Variants in ANAPC2 observed in about 807,000 individuals in gnomAD.
ANAPC2 encodes anaphase promoting complex subunit 2, also known as anaphase-promoting complex subunit 2.
In ANAPC2, 29 loss-of-function variants were observed where a neutral mutation model predicts 84.3. That is an observed-to-expected ratio of 0.34 (90% CI 0.26 to 0.47). The LOEUF is 0.47. Among genes scored for constraint, ANAPC2 ranks in the 20% least tolerant of loss-of-function variants. The pLI is 1.00. For missense variants in ANAPC2, 857 were observed against 1,131.7 expected, an observed-to-expected ratio of 0.76 and a Z score of 3.48; for synonymous variants, 571 against 479.4, an observed-to-expected ratio of 1.19 and a Z score of -2.50.
chr9:137,185,445 G>A (rs762680222), intron 3 of ANAPC2, among the ~76,000 whole-genome samples: 3 of 152,128 alleles, frequency 2.0e-5, no homozygotes, highest in Admixed American at 6.5e-5. Flanking sequence ...GAGACCAGCC[G>A]GGGGGCCCAG....
intron 12 of ANAPC2, 39 bp from the exon 13 acceptor site, chr9:137,175,193 C>A (rs755461909): frequency 8.1e-6 from 13 of 1,603,038 alleles, no homozygotes; most frequent in Non-Finnish European, 1.1e-5. Context: ...CACCTGCAGG[C>A]CTCGCCCCCG....
chr9:137,176,998 G>C (rs1834233997), intron 10 of ANAPC2: 2 of 152,266 alleles, frequency 1.3e-5, no homozygotes, highest in Admixed American at 1.3e-4. Context: ...CAAGGGTGTG[G>C]CTGGACCAGG....
rs1421290327 is a variant in ANAPC2 at position 137,183,092 on chromosome 9, C to T, written c.1286+33G>A. On this transcript the variant is annotated intron_variant, in intron 6 of 12. Transcript: ENST00000323927. Reference sequence around the variant, plus strand: ...AGGAGCTCAGCAGGATGCCCAGGGTCCCAGTGGCTCCTGGGCCAGCTGCAG... The same window carrying T: ...AGGAGCTCAGCAGGATGCCCAGGGTTCCAGTGGCTCCTGGGCCAGCTGCAG... The T allele has an allele frequency of 1.9e-6, 3 of 1,560,396 alleles. No homozygotes were observed. The South Asian group carries it at 3.3e-5, about 17-fold the overall frequency.
At position 137,187,699 on chromosome 9, in the gene ANAPC2, C is replaced by T. The variant is rs757350662; in HGVS notation, c.522G>A (p.Gln174=). Residue 174 remains glutamine (Q), a synonymous_variant, in exon 2 of 13, where the codon CAG becomes CAA. Transcript: ENST00000323927. ...STPRTFQEMI[Q]RLYGCFLRVY... is the part of the protein sequence containing the mutation. The stretch of plus-strand genomic sequence containing the variant: ...CTCTCAAGAAGCACCCATACAGACG[C>T]TGGATCATCTCTTGGAAGGTTCTGG... The T allele has an allele frequency of 6.2e-7, 1 of 1,614,040 alleles. No individual in the cohort carries two copies. The highest frequency in any genetic ancestry group is 8.5e-7 in the Non-Finnish European group (1 of 1,180,030).
At chr9:137,181,326 G>T (rs1332942014) in intron 7 of ANAPC2, among the ~76,000 whole-genome samples, 1 of 152,248 alleles carries the variant, frequency 6.6e-6, no homozygotes, top group Non-Finnish European at 1.5e-5. Context: ...GCAGGAGCTG[G>T]CACCCTAACG....
chr9:137,176,170 C>T, intron 10 of ANAPC2: 1 of 174,820 alleles, frequency 5.7e-6, no homozygotes, highest in Non-Finnish European at 1.1e-5. Context: ...TGGGGTCCTT[C>T]TAAGAAAAGG....
intron 4 of ANAPC2, 66 bp downstream of exon 4, chr9:137,184,847 C>T: frequency 1.3e-6 from 2 of 1,573,416 alleles, no homozygotes; most frequent in South Asian, 1.2e-5. Context: ...ACAGAGGAGA[C>T]ACGGGGAAGG....
intron 2 of ANAPC2, chr9:137,186,574 T>C (rs1834474895): frequency 1.6e-6 from 1 of 616,002 alleles, no homozygotes; most frequent in African/African-American, 1.8e-5. Flanking sequence ...CAGGCTCTGC[T>C]GTCCCCGCCC....
intron 4 of ANAPC2, 27 bp downstream of exon 4, chr9:137,184,886 C>T (rs756207958): frequency 8.7e-6 from 14 of 1,606,482 alleles, no homozygotes; most frequent in Middle Eastern, 3.3e-4. Flanking sequence ...GACGGGAGAG[C>T]GGACCCCAGG....
intron 4 of ANAPC2, among the ~76,000 whole-genome samples, chr9:137,184,368 G>C (rs1834411505): frequency 6.7e-6 from 1 of 150,300 alleles, no homozygotes; most frequent in African/African-American, 2.5e-5. Flanking sequence ...TGCAGACAAA[G>C]AGCAGACACG....
chr9:137,180,114 T>C, intron 10 of ANAPC2, 67 bp downstream of exon 10: 2 of 1,527,510 alleles, frequency 1.3e-6, no homozygotes, highest in East Asian at 2.4e-5. Context: ...GGCACCAGGC[T>C]GCTGGGAGCC....
At chr9:137,184,867 G>A (rs772582156) in intron 4 of ANAPC2, 46 bp downstream of exon 4, 2 of 1,596,722 alleles carry the variant, frequency 1.3e-6, no homozygotes, top group Non-Finnish European at 1.7e-6. Flanking sequence ...GCCCTGGGAA[G>A]ACTCCCCAGA....
intron 10 of ANAPC2, 191 bp from the exon 11 acceptor site, chr9:137,176,028 T>C (rs1834202502): frequency 6.4e-6 from 4 of 620,308 alleles, no homozygotes; most frequent in South Asian, 4.0e-5. Context: ...GGAAGGGCAA[T>C]GGGGCCAGCA....
chr9:137,188,221 C>A, intron 1 of ANAPC2, 118 bp from the exon 2 acceptor site: 1 of 1,406,466 alleles, frequency 7.1e-7, no homozygotes, highest in Non-Finnish European at 9.5e-7. Flanking sequence ...TCCGTGCTGC[C>A]CGGACGTTGG....
rs1212116641 is a variant in ANAPC2, at chr9:137,180,792, C to T, written c.1606G>A (p.Glu536Lys). Residue 536 changes from glutamate (E) to lysine (K), a missense_variant, in exon 8 of 13, where the codon GAG becomes AAG. By Grantham distance (56) the Glu-to-Lys change is moderately conservative. This residue lies in a region of ANAPC2 where 425 missense variants were observed against 595.5 expected (regional missense o/e 0.71). Coordinates refer to ENST00000323927, the MANE Select transcript of ANAPC2 (RefSeq NM_013366.4). ...CCAGCGCGTCACAGGCCTCACCGCTCGGGGCTGAAGCTGAACTGGTGCAGC... is the reference window on the plus strand; with the variant it reads ...CCAGCGCGTCACAGGCCTCACCGCTTGGGGCTGAAGCTGAACTGGTGCAGC... ...RLLHQFSFSP[E>K]REIRNVELLK... 5.6e-6 allele frequency: 9 copies of T among 1,610,834 alleles called. No homozygotes were observed. Among genetic ancestry groups the T allele is most frequent in the East Asian group, 2.2e-5 (1 of 44,866 alleles).
chr9:137,182,100 C>T (rs1232739768), intron 6 of ANAPC2, among the ~76,000 whole-genome samples: 1 of 152,342 alleles, frequency 6.6e-6, no homozygotes, highest in Admixed American at 6.5e-5. Flanking sequence ...CCTGCAATCC[C>T]AGCACATAGG....
intron 11 of ANAPC2, 64 bp downstream of exon 11, chr9:137,175,644 C>G: frequency 1.6e-5 from 25 of 1,558,084 alleles, no homozygotes; most frequent in Non-Finnish European, 2.2e-5. Flanking sequence ...CACTGGGGAA[C>G]AGCCCCTCAC....
chr9:137,182,072 G>A (rs1178434745), intron 6 of ANAPC2, among the ~76,000 whole-genome samples: 8 of 152,174 alleles, frequency 5.3e-5, no homozygotes, highest in East Asian at 1.9e-4. Context: ...AGCTGCGAGC[G>A]CAAGGCCGGC....
At chr9:137,175,569 C>A in intron 11 of ANAPC2, 97 bp from the exon 12 acceptor site, 1 of 1,479,212 alleles carries the variant, frequency 6.8e-7, no homozygotes, top group Non-Finnish European at 9.0e-7. Context: ...CCCGGGCCAC[C>A]CTGCCTTGCC....
Sources: allele counts gnomAD v4.1 joint callset (sites outside exome capture counted in the v4.1 genomes callset), GRCh38; gene constraint gnomAD v4.1.1; regional missense constraint gnomAD v4.1.1; transcripts MANE v1.5; gene names NCBI Gene and HGNC (gene_info 2026-07-23, HGNC 2026-07-21).